The following LAMA5 variants were observed in gnomAD, a reference collection of about 807,000 sequenced individuals.
LAMA5 encodes the protein laminin subunit alpha 5, also known as laminin subunit alpha-5.
Under a neutral mutation model 433.4 loss-of-function variants are expected in LAMA5, and 260 were observed. The ratio of observed to expected loss-of-function variants is 0.60; its 90% CI spans 0.54 to 0.66. The LOEUF (loss-of-function observed/expected upper bound fraction) is 0.66. LAMA5 is among the 30% of genes least tolerant of loss of function. The pLI is 0.00. For missense variants in LAMA5, 5,378 were observed against 5,258.5 expected, an observed-to-expected ratio of 1.02 and a Z score of -0.70; for synonymous variants, 2,620 against 2,226.6, an observed-to-expected ratio of 1.18 and a Z score of -4.97.
rs1414298337 is a variant in LAMA5, at chr20:62,316,889, G to A, written c.7646C>T (p.Thr2549Met). The change falls in exon 56 of 80, where the codon ACG becomes ATG. Residue 2549 changes from threonine (T) to methionine (M), a missense_variant. Thr to Met is a moderately conservative substitution (Grantham distance 81). Coordinates refer to ENST00000252999, the MANE Select transcript of LAMA5 (RefSeq NM_005560.6). ...GGAAGTGAGGGGCCTCACCGCCCACGTGTGGTCCGCCTGCTGCAGGGCCTG... is the reference window on the plus strand; with the variant it reads ...GGAAGTGAGGGGCCTCACCGCCCACATGTGGTCCGCCTGCTGCAGGGCCTG... Reference protein sequence around the residue: ...AGQALQQADHTWATVVRQGLV... With the variant: ...AGQALQQADHMWATVVRQGLV... 13 of 1,532,676 alleles carry A rather than the reference G, an allele frequency of 8.5e-6. No individual in the cohort carries two copies. The highest frequency in any genetic ancestry group is 2.3e-5 in the East Asian group (1 of 42,572). The allele number at this position is 1,532,676 out of a possible 1,614,324, so 94.9% of individuals were successfully genotyped here.
Position 62,367,094 on chromosome 20 carries a change from T to C in LAMA5, c.152A>G (p.Asn51Ser), listed in dbSNP as rs549102085. The change falls in exon 1 of 80, where the codon AAC becomes AGC. Residue 51 changes from asparagine (N) to serine (S), a missense_variant. Physicochemically the swap from Asn to Ser is conservative, Grantham distance 46. Transcript: ENST00000252999. ...GGFSLHPPYF[N>S]LAEGARIAAS... is the part of the protein sequence containing the mutation. ...GGCGATGCGGGCGCCCTCGGCCAGG[T>C]TGAAGTAGGGCGGGTGCAGGCTGAA... is the stretch of plus-strand genomic sequence containing the variant. 1.6e-6 allele frequency: 2 copies of C among 1,278,088 alleles called. No homozygotes were observed. The highest frequency in any genetic ancestry group is 2.0e-6 in the Non-Finnish European group (2 of 1,015,796). 79.2% of individuals were successfully genotyped at this position (1,278,088 alleles called of 1,614,324 possible).
intron 2 of LAMA5, among the ~76,000 whole-genome samples, chr20:62,358,034 A>G (rs1985494409): frequency 6.6e-6 from 1 of 152,206 alleles, no homozygotes; most frequent in South Asian, 2.1e-4. Context: ...GTCAGAGGCC[A>G]ATGTGGTGGC....
chr20:62,340,315 T>G (rs911610880), intron 11 of LAMA5, among the ~76,000 whole-genome samples: 4 of 143,828 alleles, frequency 2.8e-5, no homozygotes, highest in South Asian at 2.4e-4. Flanking sequence ...GTTTTTTTTT[T>G]TTTTTTTTTT....
chr20:62,338,656 C>CA (rs1426930691), intron 11 of LAMA5, 48 bp from the exon 12 acceptor site: 1 of 1,550,502 alleles, frequency 6.4e-7, no homozygotes, highest in South Asian at 1.2e-5. Context: ...CTGCAGACCC[C>CA]AGTACGCCCC....
chr20:62,316,383 G>C, intron 57 of LAMA5: 1 of 538,716 alleles, frequency 1.9e-6, no homozygotes, highest in Non-Finnish European at 3.3e-6. Context: ...GTAGCCCTCG[G>C]GTCAGCAGAG....
In LAMA5 at chr20:62,313,631, C is replaced by G. The variant is rs1184760704; in HGVS notation, c.8658+18G>C. The G allele has an allele frequency of 1.2e-6, 2 of 1,611,806 alleles. No homozygotes were observed. Among genetic ancestry groups the G allele is most frequent in the Non-Finnish European group, 1.7e-6 (2 of 1,179,586 alleles). On this transcript the variant is annotated intron_variant, in intron 63 of 79. Coordinates refer to ENST00000252999, the MANE Select transcript of LAMA5 (RefSeq NM_005560.6). The stretch of plus-strand genomic sequence containing the variant: ...CTGCGGAGCCCCTCCCAGGCTGCCC[C>G]AGGCCGGGCGGGCTCACCGTGAAGG...
At chr20:62,354,964 CG>C (rs1449471674) in intron 2 of LAMA5, among the ~76,000 whole-genome samples, 1 of 152,200 alleles carries the variant, frequency 6.6e-6, no homozygotes, top group Non-Finnish European at 1.5e-5. Context: ...GCCCGGGTGC[CG>C]GGGGAGAGAG....
rs1231700624 is a variant in LAMA5 at position 62,327,921 on chromosome 20, T to C, written c.4742A>G (p.Glu1581Gly). Residue 1581 changes from glutamate to glycine, a missense_variant, in exon 36 of 80, where the codon GAG becomes GGG. Coordinates refer to ENST00000252999, the MANE Select transcript of LAMA5 (RefSeq NM_005560.6). Reference sequence around the variant, plus strand: ...ACACACGCCAGGCGCAGTGCCCGCCTCGTGACAGTCACAGGGGCGGCAGCG... The same window carrying C: ...ACACACGCCAGGCGCAGTGCCCGCCCCGTGACAGTCACAGGGGCGGCAGCG... Reference protein sequence around the residue: ...YPRCRPCDCHEAGTAPGVCDP... With the variant: ...YPRCRPCDCHGAGTAPGVCDP... 1 of 1,612,358 alleles carries C rather than the reference T, an allele frequency of 6.2e-7. No homozygotes were observed. Among genetic ancestry groups the C allele is most frequent in the South Asian group, 1.1e-5 (1 of 91,044 alleles).
chr20:62,311,347 G>A (rs572357627), intron 72 of LAMA5, 40 bp from the exon 73 acceptor site: 9 of 1,522,900 alleles, frequency 5.9e-6, no homozygotes, highest in Middle Eastern at 1.8e-4. Context: ...CGCCCACACA[G>A]GGGCCACCCT....
intron 28 of LAMA5, among the ~76,000 whole-genome samples, chr20:62,332,051 CAAAAAAA>C (rs1160149059): frequency 8.8e-6 from 1 of 113,320 alleles, no homozygotes; most frequent in South Asian, 2.8e-4. Flanking sequence ...GACTCCATTT[CAAAAAAA>C]AAAAAAAAGA....
At chr20:62,353,358 G>A (rs1483536713) in intron 2 of LAMA5, 107 bp from the exon 3 acceptor site, 1 of 787,444 alleles carries the variant, frequency 1.3e-6, no homozygotes, top group Admixed American at 2.7e-5. Context: ...CAGGGGATGT[G>A]GCACCCTCGC....
chr20:62,316,058 A>C lies in LAMA5; in HGVS notation c.7757T>G (p.Val2586Gly), dbSNP rs760482973. The change falls in exon 58 of 80, where the codon GTG (valine) becomes GGG (glycine). Residue 2586 changes from valine to glycine, a missense_variant and splice_region_variant. Val to Gly is a moderately radical substitution (Grantham distance 109). Coordinates refer to ENST00000252999, the MANE Select transcript of LAMA5 (RefSeq NM_005560.6). ...MLQEQQRLGL[V>G]WAALQGARTQ... is the part of the protein sequence containing the mutation. The stretch of plus-strand genomic sequence containing the variant: ...CCTGGCACCCTGGAGGGCAGCCCAC[A>C]CTGCGGGGGAGGCAGCTTCAGCTCC... 7.5e-6 allele frequency: 12 copies of C among 1,603,744 alleles called. No homozygotes were observed. The Middle Eastern group carries it at 5.0e-4, about 66-fold the overall frequency.
intron 58 of LAMA5, 33 bp downstream of exon 58, chr20:62,315,915 C>T (rs764705040): frequency 1.8e-5 from 27 of 1,498,720 alleles, no homozygotes; most frequent in South Asian, 1.3e-4. Flanking sequence ...CATGGTCGGC[C>T]GGCTGCGAGA....
At chr20:62,342,353 T>C in intron 11 of LAMA5, 1 of 331,626 alleles carries the variant, frequency 3.0e-6, no homozygotes, top group Non-Finnish European at 5.9e-6. Context: ...CAGAATACAT[T>C]AAAACCTTAA....
rs1308571873 is a variant in LAMA5, at chr20:62,311,494, C to T, written c.9849G>A (p.Leu3283=). The T allele has an allele frequency of 6.2e-7, 1 of 1,610,936 alleles. No homozygotes were observed. The highest frequency in any genetic ancestry group is 2.2e-5 in the East Asian group (1 of 44,808). The part of the protein sequence containing the change: ...PQRVFDLQQN[L]GSVNVSTGCA... ...AGCCCGTGCTCACATTGACGCTGCCCAGGTTCTGCTGCAGATCAAATACGC... is the reference window on the plus strand; with the variant it reads ...AGCCCGTGCTCACATTGACGCTGCCTAGGTTCTGCTGCAGATCAAATACGC... Residue 3283 remains leucine, a synonymous_variant, in exon 72 of 80, where the codon CTG becomes CTA. Coordinates refer to ENST00000252999, the MANE Select transcript of LAMA5 (RefSeq NM_005560.6).
Position 62,327,254 on chromosome 20 carries a change from TG to T in LAMA5, c.5090del (p.Pro1697HisfsTer46). On this transcript the variant is annotated frameshift_variant, in exon 38 of 80. Coordinates refer to ENST00000252999, the MANE Select transcript of LAMA5 (RefSeq NM_005560.6). LOFTEE classifies it high-confidence loss of function. ...TTACCCGGTCCCCCAGGTAGGAGGGTGGGGCCTGCCAGTACAGCTCGGGGAA... is the reference window on the plus strand; with the variant it reads ...TTACCCGGTCCCCCAGGTAGGAGGGTGGGCCTGCCAGTACAGCTCGGGGAA... ...EAFPELYWQA[P>X]PSYLGDRVSS... 6.6e-7 allele frequency: 1 copy of T among 1,523,112 alleles called. No homozygotes were observed. Among genetic ancestry groups the T allele is most frequent in the Non-Finnish European group, 8.8e-7 (1 of 1,137,116 alleles). The allele number at this position is 1,523,112 out of a possible 1,614,324, so 94.3% of individuals were successfully genotyped here.
chr20:62,342,703 A>AG (rs1388112203), intron 11 of LAMA5, among the ~76,000 whole-genome samples: 1 of 152,190 alleles, frequency 6.6e-6, no homozygotes, highest in African/African-American at 2.4e-5. Context: ...AAACAAAAAA[A>AG]AAAGAAAAGA....
At position 62,322,410 on chromosome 20, in the gene LAMA5, G is replaced by A. The variant is rs1231964951; in HGVS notation, c.6205C>T (p.Pro2069Ser). ...TCGGCGGCCGGTCCACAAGCACACG[G>A]GCGGCAGCCCCCGCAGCCATCGAAA... ...FGFDGCGGCR[P>S]CACGPAAEGS... is the part of the protein sequence containing the mutation. The change falls in exon 47 of 80, where the codon CCG becomes TCG. Residue 2069 changes from proline to serine, a missense_variant. Physicochemically the swap from Pro to Ser is moderately conservative, Grantham distance 74. Coordinates refer to ENST00000252999, the MANE Select transcript of LAMA5 (RefSeq NM_005560.6). 2 of 1,593,882 alleles carry A rather than the reference G, an allele frequency of 1.3e-6. No homozygotes were observed. The highest frequency in any genetic ancestry group is 1.1e-5 in the South Asian group (1 of 88,610).
intron 31 of LAMA5, among the ~76,000 whole-genome samples, 160 bp from the exon 32 acceptor site, chr20:62,330,076 T>C (rs1375926722): frequency 6.6e-6 from 1 of 152,156 alleles, no homozygotes; most frequent in Non-Finnish European, 1.5e-5. Context: ...CGGCCCCTCA[T>C]GTCACGGGGG....
Sources: gnomAD v4.1 joint callset for allele counts (sites outside exome capture counted in the v4.1 genomes callset) on GRCh38, gnomAD v4.1.1 for gene constraint, MANE v1.5 for transcripts, NCBI Gene and HGNC (gene_info 2026-07-23, HGNC 2026-07-21) for gene names.